PUS1: variants seen among roughly 807,000 people sequenced by gnomAD.
PUS1 encodes pseudouridylate synthase 1 homolog.
Under a neutral mutation model 38.5 loss-of-function variants are expected in PUS1, and 25 were observed. The observed-to-expected ratio is 0.65, with a 90% confidence interval of 0.47 to 0.91. The LOEUF is 0.91. Ranked by LOEUF, PUS1 falls within the 40% of genes least tolerant of loss-of-function variation. The pLI, the probability that PUS1 is intolerant of heterozygous loss-of-function variation, is 0.00. For missense variants in PUS1, 597 were observed against 612.3 expected (o/e 0.97, Z 0.26); for synonymous variants, 282 against 260.4 (o/e 1.08, Z -0.80).
Position 131,941,212 on chromosome 12 carries a change from T to C in PUS1, c.545-80T>C, listed in dbSNP as rs1891046573. 6.3e-6 allele frequency: 8 copies of C among 1,267,818 alleles called. No individual in the cohort carries two copies. The South Asian group carries it at 9.9e-5, about 16-fold the overall frequency. 78.5% of individuals were successfully genotyped at this position (1,267,818 alleles called of 1,614,324 possible). On this transcript the variant is annotated intron_variant, in intron 4 of 5. Coordinates refer to ENST00000376649, the MANE Select transcript of PUS1 (RefSeq NM_025215.6). The surrounding 1 kb of genome is among the most constrained non-coding windows in gnomAD (Gnocchi z 4.4). ...GCTCTGGGTAAGGAGACGCTGGGGC[T>C]CACGCCGTGCTCAGGCTGCTCCCTG... is the stretch of plus-strand genomic sequence containing the variant.
In PUS1 at chr12:131,941,389, C is replaced by T; in HGVS notation, c.642C>T (p.Asp214=). The T allele has an allele frequency of 6.2e-7, 1 of 1,614,216 alleles. No individual in the cohort carries two copies. The highest frequency in any genetic ancestry group is 8.5e-7 in the Non-Finnish European group (1 of 1,180,036). Residue 214 remains aspartate, a synonymous_variant, in exon 5 of 6, where the codon GAC becomes GAT. Transcript: ENST00000376649. This position sits in a 1 kb window ranked among gnomAD's most constrained non-coding sequence, Gnocchi z 4.4. ...CCACGTTTGCCTTTGCGCACAAGGA[C>T]CGGGACGTTCAGGATGAGACCTACC... ...LLPTFAFAHK[D]RDVQDETYRL... is the part of the protein sequence containing the mutation.
rs757310329 is a variant in PUS1, at chr12:131,941,283, C to A, written c.545-9C>A. On this transcript the variant is annotated splice_polypyrimidine_tract_variant and intron_variant, in intron 4 of 5. Coordinates refer to ENST00000376649, the MANE Select transcript of PUS1 (RefSeq NM_025215.6). This position sits in a 1 kb window ranked among gnomAD's most constrained non-coding sequence, Gnocchi z 4.4. ...CTGCCTTTCTCCTCCCTGACCACCTCCCCCCTAGGACTGAAGCGGGTCACG... is the reference window on the plus strand; with the variant it reads ...CTGCCTTTCTCCTCCCTGACCACCTACCCCCTAGGACTGAAGCGGGTCACG... 15 of 1,612,306 alleles carry A rather than the reference C, an allele frequency of 9.3e-6. No individual in the cohort carries two copies. The Admixed American group carries it at 1.5e-4, about 16-fold the overall frequency.
At chr12:131,932,944 A>T (rs1270938893) in intron 3 of PUS1, 1 of 357,466 alleles carries the variant, frequency 2.8e-6, no homozygotes, top group Non-Finnish European at 5.6e-6. Context: ...GGGAGGCCTC[A>T]GGAAACAGAT....
Position 131,935,981 on chromosome 12 carries a change from C to T in PUS1, c.442-3192C>T, listed in dbSNP as rs192857695. ...ATTCCAGCACTTTGGGAGTCCAAGG[C>T]GGGCGGATCACTTGAGGTCAGGAAT... On this transcript the variant is annotated intron_variant, in intron 3 of 5. Coordinates refer to ENST00000376649, the MANE Select transcript of PUS1 (RefSeq NM_025215.6). 2.1e-3 allele frequency among the ~76,000 whole-genome samples: 312 copies of T among 151,792 alleles called. 3 individuals carry two copies. The highest frequency in any genetic ancestry group is 6.8e-3 in the Middle Eastern group (2 of 292).
chr12:131,941,544 T>C lies in PUS1; in HGVS notation c.797T>C (p.Met266Thr), dbSNP rs1593296460. Residue 266 changes from methionine to threonine, a missense_variant, in exon 5 of 6, where the codon ATG becomes ACG. Coordinates refer to ENST00000376649, the MANE Select transcript of PUS1 (RefSeq NM_025215.6). This position sits in a 1 kb window ranked among gnomAD's most constrained non-coding sequence, Gnocchi z 4.4. ...AGTGCCTGCCGCTACATCCTGGAGA[T>C]GTACTGCGAGGAACCCTTTGTGCGG... Reference protein sequence around the residue: ...DPSACRYILEMYCEEPFVREG... With the variant: ...DPSACRYILETYCEEPFVREG... The C allele has an allele frequency of 1.2e-6, 2 of 1,614,160 alleles. No homozygotes were observed. The highest frequency in any genetic ancestry group is 1.7e-6 in the Non-Finnish European group (2 of 1,180,020).
intron 2 of PUS1, among the ~76,000 whole-genome samples, chr12:131,931,064 G>C (rs2136430912): frequency 6.6e-6 from 1 of 152,364 alleles, no homozygotes. Context: ...AGTTCATGCA[G>C]TGCGTGCAGT....
At chr12:131,933,793 A>C (rs1890709751) in intron 3 of PUS1, among the ~76,000 whole-genome samples, 1 of 152,236 alleles carries the variant, frequency 6.6e-6, no homozygotes, top group African/African-American at 2.4e-5. Context: ...CGGAGACAAG[A>C]GATCGTAGAA....
intron 3 of PUS1, among the ~76,000 whole-genome samples, chr12:131,938,543 A>G (rs1195647481): frequency 1.3e-5 from 2 of 152,142 alleles, no homozygotes; most frequent in African/African-American, 4.8e-5. Context: ...AAACTTGATC[A>G]GTTTTTATCT....
At chr12:131,943,515 T>G in intron 5 of PUS1, 24 bp from the exon 6 acceptor site, 1 of 1,608,570 alleles carries the variant, frequency 6.2e-7, no homozygotes, top group Non-Finnish European at 8.5e-7. Context: ...TGCCTCTTAT[T>G]CTCCATGTGG....
intron 3 of PUS1, among the ~76,000 whole-genome samples, chr12:131,933,437 C>T (rs1890697321): frequency 6.6e-6 from 1 of 152,200 alleles, no homozygotes; most frequent in Non-Finnish European, 1.5e-5. Context: ...AAATGTAATA[C>T]TGTTTTTGTG....
At chr12:131,939,687 C>A (rs1241204418) in intron 4 of PUS1, among the ~76,000 whole-genome samples, 1 of 152,198 alleles carries the variant, frequency 6.6e-6, no homozygotes, top group Admixed American at 6.5e-5. Context: ...GAGAGTCTCG[C>A]TCTGTCACCC....
In PUS1 at chr12:131,944,525, CAAA is replaced by C. The variant is rs1054745471; in HGVS notation, c.*944_*946del. The C allele has an allele frequency of 2.0e-5, 3 of 152,056 alleles. No individual in the cohort carries two copies. The highest frequency in any genetic ancestry group is 7.3e-5 in the African/African-American group (3 of 41,374). The allele number at this position is 152,056 out of a possible 1,614,324, so 9.4% of individuals were successfully genotyped here. A position where few individuals can be genotyped will look rare whatever the true frequency, so the allele number is the denominator to read the frequency against. The stretch of plus-strand genomic sequence containing the variant: ...CCAAACTCCGTCAAAAAAAAAACAA[CAAA>C]AAAACCCAGCATCCTGCACTCTGCA... On this transcript the variant is annotated 3_prime_UTR_variant, in exon 6 of 6. Coordinates refer to ENST00000376649, the MANE Select transcript of PUS1 (RefSeq NM_025215.6).
intron 3 of PUS1, among the ~76,000 whole-genome samples, chr12:131,936,113 A>G (rs952544897): frequency 1.1e-4 from 17 of 150,886 alleles, no homozygotes; most frequent in African/African-American, 4.1e-4. Context: ...CAGGAGGCCG[A>G]GGCAGGAGAA....
At chr12:131,933,148 C>A (rs1406151838) in intron 3 of PUS1, among the ~76,000 whole-genome samples, 1 of 151,380 alleles carries the variant, frequency 6.6e-6, no homozygotes, top group Non-Finnish European at 1.5e-5. Context: ...GGGGACACAG[C>A]AAAACCGTAT....
Position 131,945,255 on chromosome 12 carries a change from G to C in PUS1, c.*1669G>C, listed in dbSNP as rs1269857944. 1 of 152,408 alleles carries C rather than the reference G, an allele frequency of 6.6e-6. No homozygotes were observed. Among genetic ancestry groups the C allele is most frequent in the Non-Finnish European group, 1.5e-5 (1 of 68,156 alleles). 9.4% of individuals were successfully genotyped at this position (152,408 alleles called of 1,614,324 possible). ...AGATGCTTCAGGCAGTGAGCTCCTA[G>C]GGCGTGGGGTGCCCAAGAGAGTGGA... On this transcript the variant is annotated 3_prime_UTR_variant, in exon 6 of 6. Transcript: ENST00000376649.
intron 3 of PUS1, among the ~76,000 whole-genome samples, chr12:131,935,482 T>C (rs1411461497): frequency 6.6e-6 from 1 of 152,196 alleles, no homozygotes; most frequent in African/African-American, 2.4e-5. Context: ...CACACCCGAG[T>C]GCCCTGCCCT....
intron 1 of PUS1, 37 bp downstream of exon 1, chr12:131,929,833 G>GGC: frequency 8.2e-6 from 7 of 853,632 alleles, no homozygotes; most frequent in Non-Finnish European, 1.2e-5. Context: ...CGCTATGCCC[G>GGC]CCCAGCCCAG....
chr12:131,933,619 A>G (rs891823020), intron 3 of PUS1, among the ~76,000 whole-genome samples: 2 of 152,202 alleles, frequency 1.3e-5, no homozygotes, highest in African/African-American at 4.8e-5. Context: ...CCTGTGTGGA[A>G]GCACATGCCA....
intron 3 of PUS1, among the ~76,000 whole-genome samples, chr12:131,937,666 G>A (rs530251545): frequency 6.6e-6 from 1 of 152,222 alleles, no homozygotes; most frequent in East Asian, 1.9e-4. Context: ...ATGAACCACC[G>A]CACTCCGCCC....
Sources: gnomAD v4.1 joint callset for allele counts (sites outside exome capture counted in the v4.1 genomes callset) on GRCh38, gnomAD v4.1.1 for gene constraint, Gnocchi (gnomAD v3.1) non-coding constraint, MANE v1.5 for transcripts, NCBI Gene and HGNC (gene_info 2026-07-23, HGNC 2026-07-21) for gene names.